Variants in MSL2 observed in about 807,000 individuals in gnomAD.
The protein encoded by MSL2 is E3 ubiquitin-protein ligase MSL2.
MSL2 carries 2 observed loss-of-function variants against 35.8 expected under a neutral mutation model. The observed-to-expected ratio is 0.06, with a 90% CI of 0.02 to 0.18. The LOEUF is 0.18. Ranked by LOEUF, MSL2 falls within the 10% of genes least tolerant of loss-of-function variation. MSL2 has a pLI of 1.00. For synonymous variants in MSL2, 296 were observed against 255.7 expected, an observed-to-expected ratio of 1.16 and a Z score of -1.50; for missense variants, 523 against 706.7, an observed-to-expected ratio of 0.74 and a Z score of 2.95.
intron 1 of MSL2, among the ~76,000 whole-genome samples, chr3:136,177,493 T>C (rs1167914972): frequency 6.6e-6 from 1 of 151,414 alleles, no homozygotes; most frequent in Non-Finnish European, 1.5e-5. Context: ...GCTAACAAGG[T>C]GAAAACCCAT....
At chr3:136,156,176 T>C (rs754812740) in intron 1 of MSL2, among the ~76,000 whole-genome samples, 3 of 152,234 alleles carry the variant, frequency 2.0e-5, no homozygotes, top group Non-Finnish European at 4.4e-5. Context: ...AACTGAATTA[T>C]ATCTTCAGAT....
chr3:136,195,211 G>A lies in MSL2; in HGVS notation c.-98C>T, dbSNP rs754355230. ...ACGATGGCGAATTTGCAACAATTCG[G>A]AAGAAATCAGAGCCGAACCATTGGC... On this transcript the variant is annotated 5_prime_UTR_variant, in exon 1 of 2. Coordinates refer to ENST00000309993, the MANE Select transcript of MSL2 (RefSeq NM_018133.4). 151 of 1,531,626 alleles carry A rather than the reference G, an allele frequency of 9.9e-5. No homozygotes were observed. The highest frequency in any genetic ancestry group is 1.3e-4 in the Non-Finnish European group (145 of 1,144,058). 94.9% of individuals were successfully genotyped at this position (1,531,626 alleles called of 1,614,324 possible). A position where few individuals can be genotyped will look rare whatever the true frequency, so the allele number is the denominator to read the frequency against.
At chr3:136,176,426 A>G (rs906204013) in intron 1 of MSL2, among the ~76,000 whole-genome samples, 7 of 151,532 alleles carry the variant, frequency 4.6e-5, no homozygotes, top group African/African-American at 1.7e-4. Context: ...GAGGTGGAAC[A>G]ATCACCTAAG....
intron 1 of MSL2, among the ~76,000 whole-genome samples, chr3:136,191,204 C>G (rs1238293939): frequency 6.6e-6 from 1 of 152,146 alleles, no homozygotes; most frequent in Non-Finnish European, 1.5e-5. Flanking sequence ...CACGGTGGCT[C>G]ACACCTGTAA....
chr3:136,171,225 T>C (rs1252453291), intron 1 of MSL2, among the ~76,000 whole-genome samples: 1 of 152,168 alleles, frequency 6.6e-6, no homozygotes, highest in African/African-American at 2.4e-5. Flanking sequence ...TTCCTAGGCA[T>C]GCAAACTCTT....
chr3:136,165,011 C>T (rs1268044619), intron 1 of MSL2, among the ~76,000 whole-genome samples: 2 of 151,940 alleles, frequency 1.3e-5, no homozygotes, highest in Non-Finnish European at 2.9e-5. Context: ...GCAGCTGGGA[C>T]CACAGGTGAG....
chr3:136,155,721 T>A (rs554625863), intron 1 of MSL2: 8 of 503,778 alleles, frequency 1.6e-5, no homozygotes, highest in South Asian at 1.3e-4. Context: ...GGTCCTTTTG[T>A]GCCTGCTTCC....
intron 1 of MSL2, among the ~76,000 whole-genome samples, chr3:136,159,238 G>A (rs576429213): frequency 1.3e-5 from 2 of 151,318 alleles, no homozygotes; most frequent in South Asian, 4.2e-4. Flanking sequence ...CAAAAGTATA[G>A]ACACATGCAT....
At chr3:136,154,861 A>AGCTT (rs1357296393) in intron 1 of MSL2, among the ~76,000 whole-genome samples, 7 of 152,290 alleles carry the variant, frequency 4.6e-5, no homozygotes, top group African/African-American at 1.7e-4. Flanking sequence ...GTTCAAGACC[A>AGCTT]GCTTGGGCAA....
intron 1 of MSL2, among the ~76,000 whole-genome samples, chr3:136,180,792 GGGAGGGAGGGAGGGAGGGAA>G (rs1444141429): frequency 4.0e-4 from 15 of 37,728 alleles, no homozygotes; most frequent in African/African-American, 1.1e-3. Flanking sequence ...GAGGGAGGGA[GGGAGGGAGGGAGGGAGGGAA>G]GGAGGGAAGG....
rs149034612 is a variant in MSL2, at chr3:136,151,244, A to G, written c.1637T>C (p.Ile546Thr). ...VRNASTSTSV[I>T]NVTGSPVTTF... ...CGTTACTGGGGACCCTGTGACATTTATTACACTGGTGCTGGTACTAGCGTT... is the reference window on the plus strand; with the variant it reads ...CGTTACTGGGGACCCTGTGACATTTGTTACACTGGTGCTGGTACTAGCGTT... Residue 546 changes from isoleucine to threonine, a missense_variant, in exon 2 of 2, where the codon ATA becomes ACA. Coordinates refer to ENST00000309993, the MANE Select transcript of MSL2 (RefSeq NM_018133.4). This position sits in a 1 kb window ranked among gnomAD's most constrained non-coding sequence, Gnocchi z 5.2. 43 of 1,614,224 alleles carry G rather than the reference A, an allele frequency of 2.7e-5. No homozygotes were observed. The highest frequency in any genetic ancestry group is 3.6e-5 in the Non-Finnish European group (43 of 1,180,040).
chr3:136,172,724 C>G (rs541201389), intron 1 of MSL2, among the ~76,000 whole-genome samples: 1 of 152,130 alleles, frequency 6.6e-6, no homozygotes, highest in East Asian at 1.9e-4. Context: ...TGACACAGAC[C>G]CCTTTGAGAA....
chr3:136,155,316 C>A (rs187227831), intron 1 of MSL2, among the ~76,000 whole-genome samples: 1 of 151,894 alleles, frequency 6.6e-6, no homozygotes, highest in African/African-American at 2.4e-5. Flanking sequence ...ACCAGCCTGA[C>A]CAACATGGTG....
intron 1 of MSL2, among the ~76,000 whole-genome samples, chr3:136,177,411 A>AAAC (rs1184194309): frequency 2.0e-5 from 3 of 152,208 alleles, no homozygotes; most frequent in Non-Finnish European, 4.4e-5. Context: ...ACGGTGGTTC[A>AAAC]TGCCTGTAAT....
At position 136,152,045 on chromosome 3, in the gene MSL2, G is replaced by C; in HGVS notation, c.836C>G (p.Thr279Ser). ...SVEEVLRSLETVSNTEVCCPN... is the reference protein window; with the variant it reads ...SVEEVLRSLESVSNTEVCCPN... ...GCAACAGACCTCTGTATTTGAAACA[G>C]TTTCTAAGCTGCGGAGTACTTCCTC... Residue 279 changes from threonine to serine, a missense_variant, in exon 2 of 2, where the codon ACT (threonine) becomes AGT (serine). Thr to Ser is a moderately conservative substitution (Grantham distance 58, BLOSUM62 1). Around this residue, in one of 5 missense-constraint regions of MSL2, gnomAD observed 361 missense variants for 414.6 expected, o/e 0.87. Transcript: ENST00000309993. The C allele has an allele frequency of 1.2e-6, 2 of 1,614,168 alleles. No individual in the cohort carries two copies. The highest frequency in any genetic ancestry group is 1.7e-6 in the Non-Finnish European group (2 of 1,180,034).
intron 1 of MSL2, among the ~76,000 whole-genome samples, chr3:136,160,913 C>G (rs1043261196): frequency 6.6e-5 from 10 of 151,758 alleles, no homozygotes; most frequent in African/African-American, 2.2e-4. Flanking sequence ...ACGGTGAAAC[C>G]CCATCTCTAC....
intron 1 of MSL2, among the ~76,000 whole-genome samples, chr3:136,184,972 AC>A (rs1940476652): frequency 6.6e-6 from 1 of 152,070 alleles, no homozygotes; most frequent in Non-Finnish European, 1.5e-5. Context: ...GGAAACAGTA[AC>A]CACCAACTCA....
intron 1 of MSL2, among the ~76,000 whole-genome samples, chr3:136,175,387 G>A (rs1023330314): frequency 6.6e-6 from 1 of 151,144 alleles, no homozygotes; most frequent in Non-Finnish European, 1.5e-5. Flanking sequence ...TCTCACTGAT[G>A]TCAAAAGTCT....
intron 1 of MSL2, among the ~76,000 whole-genome samples, chr3:136,186,220 G>A (rs1047950569): frequency 8.5e-5 from 13 of 152,122 alleles, no homozygotes; most frequent in Non-Finnish European, 1.5e-5. Context: ...CAAACTGCCA[G>A]GTTTTGTCAG....
Sources: gnomAD v4.1 joint callset for allele counts (sites outside exome capture counted in the v4.1 genomes callset) on GRCh38, gnomAD v4.1.1 for gene constraint, gnomAD v4.1.1 regional missense constraint, Gnocchi (gnomAD v3.1) non-coding constraint, MANE v1.5 for transcripts, NCBI Gene and HGNC (gene_info 2026-07-23, HGNC 2026-07-21) for gene names.